RRBP1: variants seen among roughly 807,000 people sequenced by gnomAD.
The protein encoded by RRBP1 is ribosome-binding protein 1.
RRBP1 carries 94 observed loss-of-function variants against 165.2 expected under a neutral mutation model. The ratio of observed to expected loss-of-function variants is 0.57; its 90% confidence interval spans 0.48 to 0.68. The LOEUF (loss-of-function observed/expected upper bound fraction) is 0.68, where lower values mean the gene tolerates loss of function less well. Among genes scored for constraint, RRBP1 ranks in the 30% least tolerant of loss-of-function variants. The pLI is 0.00. For missense variants in RRBP1, 1,676 were observed against 1,763.0 expected (o/e 0.95, Z 0.88); for synonymous variants, 680 against 714.5 (o/e 0.95, Z 0.77).
chr20:17,658,607 T>C lies in RRBP1; in HGVS notation c.1901A>G (p.Lys634Arg), dbSNP rs1463627703. ...AATCAGTTACTTACCAGGCTCACCTTTTTTCTTTGAACCAGACTTCTTCTT... is the reference window on the plus strand; with the variant it reads ...AATCAGTTACTTACCAGGCTCACCTCTTTTCTTTGAACCAGACTTCTTCTT... Reference protein sequence around the residue: ...PAKKKSGSKKKGEPGPPDADG... With the variant: ...PAKKKSGSKKRGEPGPPDADG... Residue 634 changes from lysine (K) to arginine (R), a missense_variant, in exon 3 of 25, where the codon AAA becomes AGA. Lys to Arg is a conservative substitution (Grantham distance 26, BLOSUM62 2). This residue lies in a region of RRBP1 where 1,184 missense variants were observed against 1,167.1 expected (regional missense o/e 1.01). Coordinates refer to ENST00000377813, the MANE Select transcript of RRBP1 (RefSeq NM_001365613.2). 6.3e-7 allele frequency: 1 copy of C among 1,590,954 alleles called. No individual in the cohort carries two copies. Among genetic ancestry groups the C allele is most frequent in the South Asian group, 1.1e-5 (1 of 88,038 alleles).
At chr20:17,644,461 C>T (rs1370620366) in intron 3 of RRBP1, among the ~76,000 whole-genome samples, 2 of 152,194 alleles carry the variant, frequency 1.3e-5, no homozygotes, top group Non-Finnish European at 2.9e-5. Flanking sequence ...TCGGGAGAAA[C>T]CCCCGTGTTA....
intron 2 of RRBP1, among the ~76,000 whole-genome samples, chr20:17,664,184 C>G (rs2036823240): frequency 6.6e-6 from 1 of 152,206 alleles, no homozygotes; most frequent in Non-Finnish European, 1.5e-5. Context: ...GTGACTCAAA[C>G]ACACGCACTG....
intron 5 of RRBP1, among the ~76,000 whole-genome samples, chr20:17,636,984 A>G (rs561949046): frequency 3.3e-5 from 5 of 152,326 alleles, no homozygotes; most frequent in African/African-American, 1.2e-4. Context: ...GAGGTGGCAG[A>G]TGCGGCAGGA....
At position 17,633,596 on chromosome 20, in the gene RRBP1, G is replaced by A; in HGVS notation, c.2474C>T (p.Ala825Val). 1 of 1,613,912 alleles carries A rather than the reference G, an allele frequency of 6.2e-7. No individual in the cohort carries two copies. Among genetic ancestry groups the A allele is most frequent in the East Asian group, 2.2e-5 (1 of 44,872 alleles). ...CTTGCTGAGCTCCTGCCGAAGCTTG[G>A]CCAGCTCTGCGTTCTGCCTGCAAGA... ...QVESKQNAEL[A>V]KLRQELSKVS... Residue 825 changes from alanine to valine, a missense_variant, in exon 8 of 25, where the codon GCC (alanine) becomes GTC (valine). Around this residue, in one of 5 missense-constraint regions of RRBP1, gnomAD observed 1,184 missense variants for 1,167.1 expected, o/e 1.01. Transcript: ENST00000377813.
rs544615993 is a variant in RRBP1 at position 17,653,946 on chromosome 20, A to G, written c.1912+4650T>C. Among the ~76,000 whole-genome samples, 399 of 152,326 alleles carry G rather than the reference A, an allele frequency of 2.6e-3. 3 individuals carry two copies. Among genetic ancestry groups the G allele is most frequent in the Admixed American group, 6.2e-3 (95 of 15,306 alleles). ...AAGACCAATGTTGATGGGGACATTA[A>G]TATCAGATACCCACCAGCACAGACT... On this transcript the variant is annotated intron_variant, in intron 3 of 24. Coordinates refer to ENST00000377813, the MANE Select transcript of RRBP1 (RefSeq NM_001365613.2).
intron 7 of RRBP1, 107 bp from the exon 8 acceptor site, chr20:17,633,720 C>A: frequency 1.7e-6 from 2 of 1,202,418 alleles, no homozygotes; most frequent in East Asian, 2.4e-5. Flanking sequence ...AGCAGTTGCC[C>A]AAGTCTTGAA....
At chr20:17,675,326 C>T (rs2037057827) in intron 2 of RRBP1, among the ~76,000 whole-genome samples, 1 of 152,210 alleles carries the variant, frequency 6.6e-6, no homozygotes, top group Non-Finnish European at 1.5e-5. Context: ...ATGATATACT[C>T]GCAGAACGCC....
In RRBP1 at chr20:17,644,276, C is replaced by T. The variant is rs566253913; in HGVS notation, c.1913-1149G>A. Among the ~76,000 whole-genome samples, 17 of 152,258 alleles carry T rather than the reference C, an allele frequency of 1.1e-4. No individual in the cohort carries two copies. In the South Asian group the frequency reaches 3.5e-3, roughly 32 times the overall value. On this transcript the variant is annotated intron_variant, in intron 3 of 24. Transcript: ENST00000377813. Reference sequence around the variant, plus strand: ...GGGAGTTTAAAAATAACCATGTTGACACCAAAGGCCTAAGAGGTCATGGGT... The same window carrying T: ...GGGAGTTTAAAAATAACCATGTTGATACCAAAGGCCTAAGAGGTCATGGGT...
At chr20:17,625,647 C>T (rs2036003296) in intron 11 of RRBP1, 45 bp from the exon 12 acceptor site, 5 of 1,477,882 alleles carry the variant, frequency 3.4e-6, no homozygotes, top group Non-Finnish European at 4.7e-6. Context: ...CAAGGGGCTA[C>T]AGCCCCTACA....
At position 17,613,994 on chromosome 20, in the gene RRBP1, T is replaced by C. The variant is rs1393333446; in HGVS notation, c.*188A>G. The stretch of plus-strand genomic sequence containing the variant: ...AGTGTTTATCAAATGTGACACAGGT[T>C]CATTTACAAACTGGGGCTCTGGAAG... On this transcript the variant is annotated 3_prime_UTR_variant, in exon 25 of 25. Coordinates refer to ENST00000377813, the MANE Select transcript of RRBP1 (RefSeq NM_001365613.2). The C allele has an allele frequency of 1.6e-6, 1 of 618,884 alleles. No homozygotes were observed. The highest frequency in any genetic ancestry group is 1.8e-5 in the African/African-American group (1 of 54,714). The allele number at this position is 618,884 out of a possible 1,614,324, so 38.3% of individuals were successfully genotyped here.
intron 11 of RRBP1, among the ~76,000 whole-genome samples, chr20:17,626,990 T>C (rs962143200): frequency 3.3e-5 from 5 of 152,160 alleles, no homozygotes; most frequent in Non-Finnish European, 5.9e-5. Flanking sequence ...TTAGAGTTCC[T>C]GACCTCAGCC....
At chr20:17,680,204 G>T (rs1215965992) in intron 1 of RRBP1, 129 bp from the exon 2 acceptor site, 2 of 152,256 alleles carry the variant, frequency 1.3e-5, no homozygotes, top group Non-Finnish European at 2.9e-5. Flanking sequence ...GGATTAACAG[G>T]AAGTTAAATC....
chr20:17,680,471 G>A (rs1021699550), intron 1 of RRBP1, among the ~76,000 whole-genome samples: 52 of 152,304 alleles, frequency 3.4e-4, no homozygotes, highest in Non-Finnish European at 6.0e-4. Context: ...GCTGAGCAGT[G>A]ACGTGGGAGG....
Position 17,629,822 on chromosome 20 carries a change from C to T in RRBP1, c.2749+1G>A, listed in dbSNP as rs758092891. 1 of 1,596,478 alleles carries T rather than the reference C, an allele frequency of 6.3e-7. No individual in the cohort carries two copies. The highest frequency in any genetic ancestry group is 8.5e-7 in the Non-Finnish European group (1 of 1,178,006). On this transcript the variant is annotated splice_donor_variant, in intron 9 of 24. Transcript: ENST00000377813. LOFTEE classifies it high-confidence loss of function. ...CCCGGCCCCACTGCCGCCGCCCTTA[C>T]CGGCCATCTGCTGCTGTTGCTCCTG...
chr20:17,640,042 AGAAAT>A (rs2036322776), intron 5 of RRBP1, among the ~76,000 whole-genome samples: 1 of 152,238 alleles, frequency 6.6e-6, no homozygotes, highest in Admixed American at 6.5e-5. Context: ...TAAAATACTC[AGAAAT>A]GCTTCCAGGC....
intron 2 of RRBP1, among the ~76,000 whole-genome samples, chr20:17,671,923 C>T (rs2036987026): frequency 6.6e-6 from 1 of 152,184 alleles, no homozygotes; most frequent in Non-Finnish European, 1.5e-5. Flanking sequence ...CACCAGAAAC[C>T]CAGTGTTGTC....
chr20:17,641,217 C>T (rs936449739), intron 5 of RRBP1, among the ~76,000 whole-genome samples: 7 of 152,236 alleles, frequency 4.6e-5, no homozygotes, highest in Non-Finnish European at 1.5e-5. Flanking sequence ...CCATCAGCCC[C>T]GTCCTATGGC....
At chr20:17,615,402 G>T in intron 23 of RRBP1, 29 bp downstream of exon 23, 1 of 1,568,302 alleles carries the variant, frequency 6.4e-7, no homozygotes, top group Non-Finnish European at 8.7e-7. Flanking sequence ...GACCCTCCAG[G>T]TGTGACCCCC....
At chr20:17,622,129 G>A (rs2035928568) in intron 13 of RRBP1, among the ~76,000 whole-genome samples, 182 bp from the exon 14 acceptor site, 1 of 152,212 alleles carries the variant, frequency 6.6e-6, no homozygotes, top group African/African-American at 2.4e-5. Flanking sequence ...AAGCAGAGGG[G>A]TTACCCAGCC....
Sources: allele counts gnomAD v4.1 joint callset (sites outside exome capture counted in the v4.1 genomes callset), GRCh38; gene constraint gnomAD v4.1.1; regional missense constraint gnomAD v4.1.1; transcripts MANE v1.5; gene names NCBI Gene and HGNC (gene_info 2026-07-23, HGNC 2026-07-21).